Variants in CDC73 observed in about 807,000 individuals in gnomAD.
CDC73 encodes the protein parafibromin.
In CDC73, 21 loss-of-function variants were observed where a neutral mutation model predicts 83.7. The observed-to-expected ratio is 0.25, with a 90% confidence interval of 0.18 to 0.36. The LOEUF (loss-of-function observed/expected upper bound fraction) is 0.36, where lower values mean the gene tolerates loss of function less well. CDC73 is among the 10% of genes least tolerant of loss of function. The pLI is 1.00. For missense variants in CDC73, 342 were observed against 653.3 expected, an observed-to-expected ratio of 0.52 and a Z score of 5.19; for synonymous variants, 224 against 212.9, an observed-to-expected ratio of 1.05 and a Z score of -0.45.
At chr1:193,218,033 C>G (rs1572205927) in intron 13 of CDC73, among the ~76,000 whole-genome samples, 1 of 152,166 alleles carries the variant, frequency 6.6e-6, no homozygotes, top group East Asian at 1.9e-4. Context: ...ATTCCTAGCA[C>G]TGATAAACAA....
At chr1:193,148,476 C>T (rs568244758) in intron 8 of CDC73, among the ~76,000 whole-genome samples, 2 of 152,094 alleles carry the variant, frequency 1.3e-5, no homozygotes, top group South Asian at 2.1e-4. Flanking sequence ...GTAAATTTCA[C>T]GTATGACATA....
chr1:193,166,995 A>G (rs760935811), intron 10 of CDC73, among the ~76,000 whole-genome samples: 5 of 152,192 alleles, frequency 3.3e-5, no homozygotes, highest in African/African-American at 7.2e-5. Context: ...AGTGTTCTCT[A>G]TGACCAAAAT....
intron 2 of CDC73, among the ~76,000 whole-genome samples, chr1:193,129,821 T>C: frequency 6.6e-6 from 1 of 152,178 alleles, no homozygotes; most frequent in Admixed American, 6.6e-5. Context: ...CCAAGAAAAT[T>C]ATTAAAAGTA....
chr1:193,146,841 C>A (rs1374335514), intron 7 of CDC73, among the ~76,000 whole-genome samples: 1 of 152,158 alleles, frequency 6.6e-6, no homozygotes, highest in Non-Finnish European at 1.5e-5. Flanking sequence ...CCAACTTACA[C>A]ATCTTTGAAA....
In CDC73 at chr1:193,250,905, C is replaced by G; in HGVS notation, c.*193C>G. 1.7e-6 allele frequency: 1 copy of G among 587,034 alleles called. No homozygotes were observed. Among genetic ancestry groups the G allele is most frequent in the Non-Finnish European group, 3.1e-6 (1 of 325,724 alleles). The allele number at this position is 587,034 out of a possible 1,614,324, so 36.4% of individuals were successfully genotyped here. On this transcript the variant is annotated 3_prime_UTR_variant, in exon 17 of 17. Coordinates refer to ENST00000367435, the MANE Select transcript of CDC73 (RefSeq NM_024529.5). Reference sequence around the variant, plus strand: ...CAACTATTTTTTTAATATTAGCCTTCTAGTCTGTAATGGAAATTGTATATT... The same window carrying G: ...CAACTATTTTTTTAATATTAGCCTTGTAGTCTGTAATGGAAATTGTATATT...
intron 9 of CDC73, 59 bp downstream of exon 9, chr1:193,150,441 T>G: frequency 1.7e-6 from 2 of 1,168,856 alleles, no homozygotes; most frequent in South Asian, 2.4e-5. Context: ...TGAGAGGCAG[T>G]GTGGCCTGAT....
At chr1:193,129,840 A>C (rs1311394972) in intron 2 of CDC73, among the ~76,000 whole-genome samples, 1 of 152,212 alleles carries the variant, frequency 6.6e-6, no homozygotes, top group African/African-American at 2.4e-5. Context: ...TAACATGTTT[A>C]ATACATTTTC....
At chr1:193,204,088 G>T (rs1677137625) in intron 11 of CDC73, among the ~76,000 whole-genome samples, 1 of 151,450 alleles carries the variant, frequency 6.6e-6, no homozygotes, top group Admixed American at 6.6e-5. Context: ...GTTTTTAGCA[G>T]AAAGACATAA....
At chr1:193,235,500 C>A (rs1677741470) in intron 14 of CDC73, among the ~76,000 whole-genome samples, 2 of 152,092 alleles carry the variant, frequency 1.3e-5, no homozygotes, top group Non-Finnish European at 2.9e-5. Context: ...TGTTTTGTTC[C>A]CACCGCTTTA....
intron 10 of CDC73, among the ~76,000 whole-genome samples, chr1:193,190,281 T>C (rs966690032): frequency 2.8e-4 from 42 of 152,244 alleles, no homozygotes; most frequent in African/African-American, 9.2e-4. Flanking sequence ...GCATGATGTT[T>C]GCTTGGAGTT....
At chr1:193,234,193 A>T (rs1389752789) in intron 14 of CDC73, among the ~76,000 whole-genome samples, 1,328 of 77,200 alleles carry the variant, frequency 0.017, 10 homozygotes, top group South Asian at 0.07. Flanking sequence ...ACACACACAC[A>T]CACACACACA....
chr1:193,198,553 A>G (rs1359689374), intron 10 of CDC73, among the ~76,000 whole-genome samples: 1 of 152,242 alleles, frequency 6.6e-6, no homozygotes, highest in Non-Finnish European at 1.5e-5. Context: ...CAGAATTTTG[A>G]GAAATATGTT....
chr1:193,188,696 A>T (rs994181226), intron 10 of CDC73, among the ~76,000 whole-genome samples: 10 of 151,970 alleles, frequency 6.6e-5, no homozygotes, highest in African/African-American at 1.9e-4. Flanking sequence ...GATTTTTTTA[A>T]TGTCTCCCTG....
At chr1:193,170,403 C>G (rs1312684524) in intron 10 of CDC73, among the ~76,000 whole-genome samples, 1 of 152,192 alleles carries the variant, frequency 6.6e-6, no homozygotes, top group Non-Finnish European at 1.5e-5. Flanking sequence ...TTAATTTACA[C>G]TTTCATCAAC....
chr1:193,228,721 T>C (rs1447027313), intron 13 of CDC73, among the ~76,000 whole-genome samples: 1 of 152,086 alleles, frequency 6.6e-6, no homozygotes, highest in South Asian at 2.1e-4. Flanking sequence ...GTAAGGCTTC[T>C]AGAATAAAGC....
At chr1:193,219,119 C>A (rs553749784) in intron 13 of CDC73, among the ~76,000 whole-genome samples, 7 of 152,268 alleles carry the variant, frequency 4.6e-5, no homozygotes, top group South Asian at 2.1e-4. Flanking sequence ...ACATGGCCAA[C>A]AAACATAGGA....
In CDC73 at chr1:193,169,709, A is replaced by G. The variant is rs551201348; in HGVS notation, c.972+17265A>G. ...GGATTTTATAAAGCAATAAGAGGCA[A>G]TGCTGTAAGATGTATTTCCAAATGA... On this transcript the variant is annotated intron_variant, in intron 10 of 16. Coordinates refer to ENST00000367435, the MANE Select transcript of CDC73 (RefSeq NM_024529.5). 7.9e-5 allele frequency among the ~76,000 whole-genome samples: 12 copies of G among 152,354 alleles called. No homozygotes were observed. In the East Asian group the frequency reaches 2.3e-3, roughly 29 times the overall value.
Position 193,250,951 on chromosome 1 carries a change from A to G in CDC73, c.*239A>G, listed in dbSNP as rs1281969160. 5.9e-6 allele frequency: 3 copies of G among 507,968 alleles called. No individual in the cohort carries two copies. The highest frequency in any genetic ancestry group is 7.0e-6 in the Non-Finnish European group (2 of 284,550). 31.5% of individuals were successfully genotyped at this position (507,968 alleles called of 1,614,324 possible). A position where few individuals can be genotyped will look rare whatever the true frequency, so the allele number is the denominator to read the frequency against. ...ATATTTTGATAGAAGTTTTTTCTCC[A>G]TTGGTTAAATTAGCATTACTTAAAA... On this transcript the variant is annotated 3_prime_UTR_variant, in exon 17 of 17. Transcript: ENST00000367435.
rs542578210 is a variant in CDC73 at position 193,251,527 on chromosome 1, T to C, written c.*815T>C. On this transcript the variant is annotated 3_prime_UTR_variant, in exon 17 of 17. Transcript: ENST00000367435. ...TATAACTTTAAGCTCCTTTTCTCTT[T>C]AGTCCACTTTTGATTGTAATTTTTA... 1 of 232,140 alleles carries C rather than the reference T, an allele frequency of 4.3e-6. No homozygotes were observed. Among genetic ancestry groups the C allele is most frequent in the South Asian group, 1.8e-4 (1 of 5,518 alleles). The allele number at this position is 232,140 out of a possible 1,614,324, so 14.4% of individuals were successfully genotyped here.
Sources: allele counts gnomAD v4.1 joint callset (sites outside exome capture counted in the v4.1 genomes callset), GRCh38; gene constraint gnomAD v4.1.1; transcripts MANE v1.5; gene names NCBI Gene and HGNC (gene_info 2026-07-23, HGNC 2026-07-21).